EYS: variants seen among roughly 807,000 people sequenced by gnomAD.
EYS encodes protein eyes shut homolog.
A neutral mutation model predicts 282.1 loss-of-function variants in EYS; 250 were observed. The ratio of observed to expected loss-of-function variants is 0.89; its 90% confidence interval spans 0.80 to 0.98. The LOEUF is 0.98. EYS is among the 50% of genes least tolerant of loss of function. EYS has a pLI of 0.00. For synonymous variants in EYS, 1,355 were observed against 1,282.9 expected (o/e 1.06, Z -1.20); for missense variants, 4,016 against 3,709.0 (o/e 1.08, Z -2.15).
chr6:65,275,443 C>T (rs1768019651), intron 12 of EYS, among the ~76,000 whole-genome samples: 1 of 152,046 alleles, frequency 6.6e-6, no homozygotes, highest in African/African-American at 2.4e-5. Flanking sequence ...TTGAGAAGGC[C>T]CTGAAGGCAC....
intron 36 of EYS, among the ~76,000 whole-genome samples, chr6:63,825,442 C>T (rs966412901): frequency 6.6e-5 from 10 of 152,232 alleles, no homozygotes; most frequent in African/African-American, 7.2e-5. Flanking sequence ...CCAAGCAGCA[C>T]AAAAATAGAG....
chr6:65,396,577 A>T (rs1479990490), intron 7 of EYS, among the ~76,000 whole-genome samples: 1 of 152,080 alleles, frequency 6.6e-6, no homozygotes, highest in East Asian at 1.9e-4. Flanking sequence ...ACCCTACTTT[A>T]ATTCAACACC....
chr6:65,042,189 T>C (rs917855124), intron 13 of EYS, among the ~76,000 whole-genome samples: 1 of 151,540 alleles, frequency 6.6e-6, no homozygotes, highest in Non-Finnish European at 1.5e-5. Context: ...GATCATCACA[T>C]TTTTATGCCT....
At chr6:65,576,257 T>C (rs1444550904) in intron 2 of EYS, among the ~76,000 whole-genome samples, 3 of 152,014 alleles carry the variant, frequency 2.0e-5, no homozygotes, top group Admixed American at 2.0e-4. Flanking sequence ...TATCCTTGGA[T>C]GCAAGGATAA....
At chr6:64,333,549 G>C (rs1770719690) in intron 29 of EYS, among the ~76,000 whole-genome samples, 1 of 152,092 alleles carries the variant, frequency 6.6e-6, no homozygotes, top group African/African-American at 2.4e-5. Flanking sequence ...TGAAGATAGG[G>C]TGCACAACTG....
intron 12 of EYS, among the ~76,000 whole-genome samples, chr6:65,217,392 A>G (rs558968471): frequency 6.6e-6 from 1 of 152,220 alleles, no homozygotes; most frequent in Admixed American, 6.5e-5. Context: ...TGAATTATAC[A>G]TTAGAAATTA....
At chr6:65,697,161 T>C (rs1413003543) in intron 1 of EYS, among the ~76,000 whole-genome samples, 1 of 152,040 alleles carries the variant, frequency 6.6e-6, no homozygotes, top group Non-Finnish European at 1.5e-5. Context: ...TGTCTCTTAG[T>C]TTTAAAATTA....
At chr6:64,924,455 C>A (rs79937032) in intron 15 of EYS, among the ~76,000 whole-genome samples, 1 of 152,138 alleles carries the variant, frequency 6.6e-6, no homozygotes, top group African/African-American at 2.4e-5. Context: ...CCATGGTCTT[C>A]GGCATTAACA....
intron 2 of EYS, among the ~76,000 whole-genome samples, chr6:65,604,547 T>C (rs1458369026): frequency 6.6e-6 from 1 of 152,002 alleles, no homozygotes; most frequent in East Asian, 1.9e-4. Flanking sequence ...TATATATTTG[T>C]CAAAATTTGG....
intron 12 of EYS, among the ~76,000 whole-genome samples, chr6:65,109,134 A>G (rs1038610967): frequency 1.3e-5 from 2 of 152,026 alleles, no homozygotes; most frequent in Non-Finnish European, 2.9e-5. Context: ...TACATGTAAG[A>G]TAATCTATAC....
rs1040766477 is a variant in EYS at position 64,112,331 on chromosome 6, TTTAA to T, written c.6425-30333_6425-30330del. ...GCCAAGAAAGCTGTTGGTCAAGAAG[TTTAA>T]TTGATTTTTCCCAAAGCAGCGACTG... On this transcript the variant is annotated intron_variant, in intron 31 of 42. Transcript: ENST00000503581. Among the ~76,000 whole-genome samples the T allele has an allele frequency of 9.3e-4, 141 of 151,954 alleles. 8 individuals are homozygous for T. Among genetic ancestry groups the T allele is most frequent in the Non-Finnish European group, 1.3e-4 (9 of 67,930 alleles).
rs1486055945 is a variant in EYS, at chr6:63,735,274, A to G, written c.8072-8594T>C. Among the ~76,000 whole-genome samples, 3 of 152,026 alleles carry G rather than the reference A, an allele frequency of 2.0e-5. No homozygotes were observed. In the East Asian group the frequency reaches 5.8e-4, roughly 29 times the overall value. Reference sequence around the variant, plus strand: ...GTGCAATGGAAACAATGGCGGTTTGAGTGTTGAGGGTGCTTATAAGAGGTG... The same window carrying G: ...GTGCAATGGAAACAATGGCGGTTTGGGTGTTGAGGGTGCTTATAAGAGGTG... On this transcript the variant is annotated intron_variant, in intron 41 of 42. Transcript: ENST00000503581.
At chr6:65,327,902 TA>T (rs1328026582) in intron 11 of EYS, among the ~76,000 whole-genome samples, 1 of 151,446 alleles carries the variant, frequency 6.6e-6, no homozygotes, top group Non-Finnish European at 1.5e-5. Context: ...TCAATATAGT[TA>T]AAAAATTCTA....
chr6:65,311,055 A>G (rs923295385), intron 11 of EYS, among the ~76,000 whole-genome samples: 3 of 151,470 alleles, frequency 2.0e-5, no homozygotes, highest in African/African-American at 7.2e-5. Context: ...GGGATGATGA[A>G]TAAAATATTA....
At chr6:63,884,024 A>G (rs147758618) in intron 35 of EYS, among the ~76,000 whole-genome samples, 1 of 152,236 alleles carries the variant, frequency 6.6e-6, no homozygotes, top group Non-Finnish European at 1.5e-5. Flanking sequence ...TTACACATTT[A>G]CTTGTATTGT....
At chr6:64,266,052 A>T (rs1023077980) in intron 30 of EYS, among the ~76,000 whole-genome samples, 36 of 152,204 alleles carry the variant, frequency 2.4e-4, no homozygotes, top group African/African-American at 8.2e-4. Flanking sequence ...TTTTCACAAG[A>T]ACTGAAAATG....
At chr6:64,486,660 C>T (rs1776586440) in intron 26 of EYS, among the ~76,000 whole-genome samples, 1 of 151,332 alleles carries the variant, frequency 6.6e-6, no homozygotes, top group South Asian at 2.1e-4. Flanking sequence ...GGAAAACTAT[C>T]CATGTGTTCC....
intron 2 of EYS, among the ~76,000 whole-genome samples, chr6:65,562,468 A>G (rs1769103634): frequency 1.3e-5 from 2 of 152,010 alleles, no homozygotes; most frequent in African/African-American, 4.8e-5. Flanking sequence ...AAAGGACAGA[A>G]TGGAAAGAAT....
At chr6:63,987,670 C>A (rs1232024690) in intron 34 of EYS, among the ~76,000 whole-genome samples, 1 of 151,566 alleles carries the variant, frequency 6.6e-6, no homozygotes, top group Non-Finnish European at 1.5e-5. Context: ...TCCCAAAACA[C>A]ACATTCATAC....
Sources: gnomAD v4.1 joint callset for allele counts (sites outside exome capture counted in the v4.1 genomes callset) on GRCh38, gnomAD v4.1.1 for gene constraint, MANE v1.5 for transcripts, NCBI Gene and HGNC (gene_info 2026-07-23, HGNC 2026-07-21) for gene names.